MSI2: variants seen among roughly 807,000 people sequenced by gnomAD.
The protein encoded by MSI2 is RNA-binding protein Musashi homolog 2.
Under a neutral mutation model 45.6 loss-of-function variants are expected in MSI2, and 17 were observed. The ratio of observed to expected loss-of-function variants is 0.37; its 90% CI spans 0.26 to 0.56. The LOEUF is 0.56. Among genes scored for constraint, MSI2 ranks in the 20% least tolerant of loss-of-function variants. The probability of loss-of-function intolerance (pLI) is 0.77; values close to 1 mark genes in which losing one functional copy is unlikely to be tolerated. For missense variants in MSI2, 293 were observed against 444.2 expected (o/e 0.66, Z 3.06); for synonymous variants, 156 against 158.2 (o/e 0.99, Z 0.11).
At chr17:57,450,780 A>G (rs1478712210) in intron 6 of MSI2, among the ~76,000 whole-genome samples, 1 of 148,566 alleles carries the variant, frequency 6.7e-6, no homozygotes, top group Non-Finnish European at 1.5e-5. Context: ...TCTTATTTTC[A>G]TATGTATAAC....
chr17:57,615,041 T>C (rs530738200), intron 8 of MSI2, among the ~76,000 whole-genome samples: 3 of 152,068 alleles, frequency 2.0e-5, no homozygotes, highest in East Asian at 1.9e-4. Flanking sequence ...TGTGGAAATG[T>C]GGCATTGCTG....
the MSI2 span, among the ~76,000 whole-genome samples, chr17:57,693,764 T>A: frequency 6.6e-6 from 1 of 152,238 alleles, no homozygotes; most frequent in Non-Finnish European, 1.5e-5. Context: ...GTGTTTGGTG[T>A]CTCATGACTT....
chr17:57,426,161 G>A (rs1229262290), intron 6 of MSI2, among the ~76,000 whole-genome samples: 1 of 152,154 alleles, frequency 6.6e-6, no homozygotes, highest in African/African-American at 2.4e-5. Context: ...AACAAAAATG[G>A]TGGCAAATAA....
chr17:57,389,322 G>A (rs139467986), intron 5 of MSI2, among the ~76,000 whole-genome samples: 2 of 152,194 alleles, frequency 1.3e-5, no homozygotes, highest in Admixed American at 6.5e-5. Flanking sequence ...TCACTCTCCC[G>A]TTTAAACCCC....
chr17:57,550,285 A>C (rs2087273587), intron 7 of MSI2, among the ~76,000 whole-genome samples: 2 of 152,140 alleles, frequency 1.3e-5, no homozygotes, highest in Non-Finnish European at 2.9e-5. Context: ...TAGCCTGGGG[A>C]GGACAGCATC....
At chr17:57,357,403 G>C (rs967164082) in intron 5 of MSI2, among the ~76,000 whole-genome samples, 2 of 152,084 alleles carry the variant, frequency 1.3e-5, no homozygotes, top group African/African-American at 4.8e-5. Context: ...GGGCTGCTTA[G>C]AGCTTCTGGC....
chr17:57,456,378 G>A (rs1364336019), intron 6 of MSI2, among the ~76,000 whole-genome samples: 1 of 152,224 alleles, frequency 6.6e-6, no homozygotes, highest in African/African-American at 2.4e-5. Context: ...GGGAGGCCAA[G>A]GCGGGTGGAT....
At chr17:57,632,579 G>T (rs1909484722) in intron 10 of MSI2, 1 of 1,066,800 alleles carries the variant, frequency 9.4e-7, no homozygotes. Context: ...GAGTAGGAGG[G>T]GGTGGAACAC....
At chr17:57,549,164 C>G (rs772012766) in intron 7 of MSI2, among the ~76,000 whole-genome samples, 1 of 152,172 alleles carries the variant, frequency 6.6e-6, no homozygotes, top group Non-Finnish European at 1.5e-5. Flanking sequence ...CGTGAGCCGC[C>G]GGGCGCCGGC....
At chr17:57,429,389 G>T (rs2084552969) in intron 6 of MSI2, among the ~76,000 whole-genome samples, 1 of 152,168 alleles carries the variant, frequency 6.6e-6, no homozygotes, top group Non-Finnish European at 1.5e-5. Context: ...GCCAGACACT[G>T]GGCAAAGGGT....
intron 5 of MSI2, among the ~76,000 whole-genome samples, chr17:57,329,591 G>A (rs1303294948): frequency 6.6e-6 from 1 of 152,122 alleles, no homozygotes; most frequent in Admixed American, 6.6e-5. Flanking sequence ...GAGGGTTAGG[G>A]GGTGTGTGTC....
intron 5 of MSI2, among the ~76,000 whole-genome samples, chr17:57,323,528 T>C (rs1428025234): frequency 6.6e-6 from 1 of 152,232 alleles, no homozygotes; most frequent in Non-Finnish European, 1.5e-5. Flanking sequence ...GCCTCCTTGG[T>C]TGGTGCCGCC....
Position 57,627,274 on chromosome 17 carries a change from T to A in MSI2, c.698T>A (p.Phe233Tyr), listed in dbSNP as rs755308549. The change falls in exon 10 of 14, where the codon TTT (phenylalanine) becomes TAT (tyrosine). Residue 233 changes from phenylalanine to tyrosine, a missense_variant. Physicochemically the swap from Phe to Tyr is conservative, Grantham distance 22 (BLOSUM62 3). Transcript: ENST00000284073. This position sits in a 1 kb window ranked among gnomAD's most constrained non-coding sequence, Gnocchi z 4.6. The stretch of plus-strand genomic sequence containing the variant: ...ACCTATGGCCGTGGCTACCCCGGAT[T>A]TGCTCCAAGCTATGGCTATCAGTTC... Reference protein sequence around the residue: ...VATYGRGYPGFAPSYGYQFPG... With the variant: ...VATYGRGYPGYAPSYGYQFPG... The A allele has an allele frequency of 1.2e-6, 2 of 1,614,086 alleles. No individual in the cohort carries two copies. Among genetic ancestry groups the A allele is most frequent in the Non-Finnish European group, 1.7e-6 (2 of 1,180,032 alleles).
intron 5 of MSI2, among the ~76,000 whole-genome samples, chr17:57,345,656 T>C (rs1915537739): frequency 1.3e-5 from 2 of 151,894 alleles, no homozygotes; most frequent in Admixed American, 1.3e-4. Flanking sequence ...CTGTCTGTGC[T>C]AAAAATATAA....
intron 7 of MSI2, among the ~76,000 whole-genome samples, chr17:57,571,856 C>G (rs2087887012): frequency 6.6e-6 from 1 of 152,212 alleles, no homozygotes. Context: ...CGACTGCGTG[C>G]CTCTGCCTTC....
At chr17:57,550,508 T>TG (rs1275493037) in intron 7 of MSI2, among the ~76,000 whole-genome samples, 6 of 152,182 alleles carry the variant, frequency 3.9e-5, no homozygotes, top group African/African-American at 7.2e-5. Context: ...GGTTTGGATT[T>TG]GGGGGGGTCA....
intron 7 of MSI2, among the ~76,000 whole-genome samples, chr17:57,591,156 G>A (rs1904791161): frequency 6.6e-6 from 1 of 152,136 alleles, no homozygotes; most frequent in Non-Finnish European, 1.5e-5. Context: ...GAGGATAATT[G>A]TGTGTCTCTT....
intron 7 of MSI2, among the ~76,000 whole-genome samples, chr17:57,537,329 A>G (rs9901993): frequency 0.13 from 20,410 of 152,130 alleles, 1,711 homozygotes; most frequent in African/African-American, 0.23. Flanking sequence ...CTGTATCCCC[A>G]GGCCCTGTAA....
intron 7 of MSI2, among the ~76,000 whole-genome samples, chr17:57,547,062 A>AG (rs906160327): frequency 3.4e-4 from 52 of 152,316 alleles, no homozygotes; most frequent in African/African-American, 1.1e-3. Flanking sequence ...GGCCTCCCTG[A>AG]GGAATAGGCC....
Sources: gnomAD v4.1 joint callset for allele counts (sites outside exome capture counted in the v4.1 genomes callset) on GRCh38, gnomAD v4.1.1 for gene constraint, Gnocchi (gnomAD v3.1) non-coding constraint, MANE v1.5 for transcripts, NCBI Gene and HGNC (gene_info 2026-07-23, HGNC 2026-07-21) for gene names.